The following KIAA0753 variants were observed in gnomAD, a reference collection of about 807,000 sequenced individuals.
KIAA0753 encodes the protein KIAA0753, also known as protein moonraker.
In KIAA0753, 114 loss-of-function variants were observed where a neutral mutation model predicts 116.9. The ratio of observed to expected loss-of-function variants is 0.98; its 90% CI spans 0.84 to 1.14. The LOEUF is 1.14. Ranked by LOEUF, KIAA0753 falls within the 50% of genes most tolerant of loss-of-function variation. The pLI, the probability that KIAA0753 is intolerant of heterozygous loss-of-function variation, is 0.00. For synonymous variants in KIAA0753, 405 were observed against 413.1 expected (o/e 0.98, Z 0.24); for missense variants, 1,156 against 1,172.4 (o/e 0.99, Z 0.20).
chr17:6,581,595 C>T (rs904707914), intron 18 of KIAA0753, among the ~76,000 whole-genome samples: 4 of 152,162 alleles, frequency 2.6e-5, no homozygotes, highest in Admixed American at 2.0e-4. Context: ...TTGCCAAACA[C>T]GGATTTTCTA....
chr17:6,596,033 G>C (rs1179910042), intron 15 of KIAA0753, 125 bp downstream of exon 15: 3 of 903,404 alleles, frequency 3.3e-6, no homozygotes, highest in African/African-American at 3.3e-5. Flanking sequence ...GTTGGCAATA[G>C]AGCAGGGATT....
Position 6,599,350 on chromosome 17 carries a change from G to T in KIAA0753, c.2089-30C>A, listed in dbSNP as rs371753934. Reference sequence around the variant, plus strand: ...TAAAACAGACAAATACATTCATGGAGTATAAAGACTTATAGCTCCTATTAG... The same window carrying T: ...TAAAACAGACAAATACATTCATGGATTATAAAGACTTATAGCTCCTATTAG... On this transcript the variant is annotated intron_variant, in intron 13 of 18. Coordinates refer to ENST00000361413, the MANE Select transcript of KIAA0753 (RefSeq NM_014804.3). 32 of 1,433,560 alleles carry T rather than the reference G, an allele frequency of 2.2e-5. No homozygotes were observed. In the African/African-American group the frequency reaches 4.4e-4, roughly 20 times the overall value. 88.8% of individuals were successfully genotyped at this position (1,433,560 alleles called of 1,614,324 possible).
intron 6 of KIAA0753, among the ~76,000 whole-genome samples, chr17:6,621,751 G>C (rs1297601420): frequency 6.6e-6 from 1 of 152,180 alleles, no homozygotes; most frequent in Non-Finnish European, 1.5e-5. Flanking sequence ...AGAGGGACTA[G>C]AGAGTTTCTT....
At position 6,620,723 on chromosome 17, in the gene KIAA0753, A is replaced by T. The variant is rs1971258195; in HGVS notation, c.1315+65T>A. 2.0e-6 allele frequency: 3 copies of T among 1,506,524 alleles called. No individual in the cohort carries two copies. In the Admixed American group the frequency reaches 5.0e-5, roughly 25 times the overall value. The allele number at this position is 1,506,524 out of a possible 1,614,324, so 93.3% of individuals were successfully genotyped here. Reference sequence around the variant, plus strand: ...TCCTGACTTTCCCCTCAGTGCAGTAACTGTTATAGCCCAGATAATTGTAAT... The same window carrying T: ...TCCTGACTTTCCCCTCAGTGCAGTATCTGTTATAGCCCAGATAATTGTAAT... On this transcript the variant is annotated intron_variant, in intron 7 of 18. Transcript: ENST00000361413.
chr17:6,583,295 T>C lies in KIAA0753; in HGVS notation c.2787-3431A>G, dbSNP rs114450514. ...CTTCCTCCAGCCGATTTTAAGATTT[T>C]CTCTATCTGTGATTTTTCAGCAATA... On this transcript the variant is annotated intron_variant, in intron 18 of 18. Coordinates refer to ENST00000361413, the MANE Select transcript of KIAA0753 (RefSeq NM_014804.3). Among the ~76,000 whole-genome samples the C allele has an allele frequency of 6.4e-3, 976 of 152,352 alleles. 7 individuals are homozygous for C. The highest frequency in any genetic ancestry group is 0.023 in the African/African-American group (941 of 41,584).
intron 14 of KIAA0753, among the ~76,000 whole-genome samples, 165 bp from the exon 15 acceptor site, chr17:6,596,508 G>C (rs1969498609): frequency 6.6e-6 from 1 of 152,168 alleles, no homozygotes; most frequent in Non-Finnish European, 1.5e-5. Context: ...ATTCTCCTAA[G>C]TCAGTAAGTA....
At chr17:6,586,118 C>T (rs1235166885) in intron 18 of KIAA0753, among the ~76,000 whole-genome samples, 1 of 152,086 alleles carries the variant, frequency 6.6e-6, no homozygotes, top group Non-Finnish European at 1.5e-5. Flanking sequence ...AAGTGTGTGG[C>T]ATTCTCCCCC....
At position 6,598,425 on chromosome 17, in the gene KIAA0753, A is replaced by G. The variant is rs76414213; in HGVS notation, c.2172+812T>C. 1.9e-4 allele frequency among the ~76,000 whole-genome samples: 29 copies of G among 152,320 alleles called. No individual in the cohort carries two copies. In the East Asian group the frequency reaches 5.6e-3, roughly 29 times the overall value. ...ATATGTTACAGCTGAAATATTGCTT[A>G]ATAATCAGAATAGGGACACATTCTT... On this transcript the variant is annotated intron_variant, in intron 14 of 18. Coordinates refer to ENST00000361413, the MANE Select transcript of KIAA0753 (RefSeq NM_014804.3).
chr17:6,598,622 C>T (rs1304245516), intron 14 of KIAA0753, among the ~76,000 whole-genome samples: 1 of 152,232 alleles, frequency 6.6e-6, no homozygotes, highest in Non-Finnish European at 1.5e-5. Flanking sequence ...ATGGATGCAA[C>T]TTGCACCTTC....
chr17:6,602,813 T>G (rs1379408077), intron 12 of KIAA0753, among the ~76,000 whole-genome samples: 2 of 152,200 alleles, frequency 1.3e-5, no homozygotes, highest in East Asian at 3.9e-4. Context: ...ACTAAAATAC[T>G]AATTCCAACC....
intron 1 of KIAA0753, chr17:6,635,865 T>G (rs993686992): frequency 1.3e-5 from 2 of 152,246 alleles, no homozygotes; most frequent in Middle Eastern, 3.2e-3. Flanking sequence ...CACGTACTGA[T>G]CACGTATAGT....
chr17:6,615,347 T>C (rs1362076024), intron 7 of KIAA0753, among the ~76,000 whole-genome samples: 9 of 152,130 alleles, frequency 5.9e-5, no homozygotes, highest in Admixed American at 4.6e-4. Context: ...TGTGTTCAAG[T>C]AACCTTGAAC....
chr17:6,591,047 GAAGAAGAA>G (rs746299360), intron 16 of KIAA0753, among the ~76,000 whole-genome samples: 157 of 99,324 alleles, frequency 1.6e-3, no homozygotes, highest in African/African-American at 4.6e-3. Context: ...GAAGGAAGAA[GAAGAAGAA>G]GAAGAAGAAG....
chr17:6,596,099 T>G (rs1294414601), intron 15 of KIAA0753, 59 bp downstream of exon 15: 2 of 1,520,090 alleles, frequency 1.3e-6, no homozygotes, highest in African/African-American at 2.8e-5. Context: ...TGAGGAGAAA[T>G]TGCACTCGGC....
In KIAA0753 at chr17:6,640,622, C is replaced by G. The variant is rs1972617892; in HGVS notation, c.-69+15G>C. On this transcript the variant is annotated intron_variant, in intron 1 of 18. Transcript: ENST00000361413. ...CGGCTTCCCAGAATCCCCCCCAGCC[C>G]CGGCCCGAGCCCACCTGGCCTAGGG... The G allele has an allele frequency of 6.5e-6, 1 of 154,020 alleles. No homozygotes were observed. The highest frequency in any genetic ancestry group is 2.4e-5 in the African/African-American group (1 of 41,508). 9.5% of individuals were successfully genotyped at this position (154,020 alleles called of 1,614,324 possible). A position where few individuals can be genotyped will look rare whatever the true frequency, so the allele number is the denominator to read the frequency against.
At chr17:6,580,101 G>A (rs998980541) in intron 18 of KIAA0753, among the ~76,000 whole-genome samples, 10 of 151,712 alleles carry the variant, frequency 6.6e-5, no homozygotes, top group Non-Finnish European at 1.2e-4. Flanking sequence ...CAGGAGAATC[G>A]CTTGAACCTG....
intron 14 of KIAA0753, among the ~76,000 whole-genome samples, chr17:6,597,631 T>C (rs949883547): frequency 2.6e-5 from 4 of 152,230 alleles, no homozygotes; most frequent in Non-Finnish European, 5.9e-5. Flanking sequence ...TTTGGAAAAA[T>C]ATATACTTCA....
chr17:6,603,954 A>G (rs976752109), intron 12 of KIAA0753, among the ~76,000 whole-genome samples: 9 of 152,234 alleles, frequency 5.9e-5, no homozygotes, highest in African/African-American at 2.2e-4. Context: ...CTATACACCC[A>G]TCAGAACGCC....
chr17:6,580,995 C>T (rs1206413410), intron 18 of KIAA0753, among the ~76,000 whole-genome samples: 3 of 152,114 alleles, frequency 2.0e-5, no homozygotes, highest in Non-Finnish European at 4.4e-5. Context: ...AGGACATTCT[C>T]TTAAATAACT....
Sources: gnomAD v4.1 joint callset for allele counts (sites outside exome capture counted in the v4.1 genomes callset) on GRCh38, gnomAD v4.1.1 for gene constraint, MANE v1.5 for transcripts, NCBI Gene and HGNC (gene_info 2026-07-23, HGNC 2026-07-21) for gene names.